Variants in CSMD1 observed in about 807,000 individuals in gnomAD.
CSMD1 encodes CUB and Sushi multiple domains 1.
A neutral mutation model predicts 417.5 loss-of-function variants in CSMD1; 213 were observed. The ratio of observed to expected loss-of-function variants is 0.51; its 90% CI spans 0.46 to 0.57. The LOEUF is 0.57. Ranked by LOEUF, CSMD1 falls within the 20% of genes least tolerant of loss-of-function variation. The pLI, the probability that CSMD1 is intolerant of heterozygous loss-of-function variation, is 0.00. For synonymous variants in CSMD1, 2,862 were observed against 1,736.8 expected (o/e 1.65, Z -16.11); for missense variants, 6,923 against 4,529.7 (o/e 1.53, Z -15.17).
chr8:3,246,899 T>C (rs1799919091), intron 26 of CSMD1, among the ~76,000 whole-genome samples: 1 of 152,350 alleles, frequency 6.6e-6, no homozygotes, highest in East Asian at 1.9e-4. Context: ...TTCCAATTCT[T>C]TCTCTCTTTT....
chr8:3,252,521 C>G (rs993137533), intron 26 of CSMD1, among the ~76,000 whole-genome samples: 8 of 152,210 alleles, frequency 5.3e-5, no homozygotes, highest in African/African-American at 1.9e-4. Context: ...GTCTAAAATT[C>G]TCTTTTTTTG....
intron 21 of CSMD1, among the ~76,000 whole-genome samples, chr8:3,353,646 A>C (rs1483384807): frequency 6.6e-6 from 1 of 152,234 alleles, no homozygotes; most frequent in African/African-American, 2.4e-5. Flanking sequence ...CCAAAATTTC[A>C]AAAATTATTT....
At chr8:4,742,448 G>A (rs950822317) in intron 1 of CSMD1, among the ~76,000 whole-genome samples, 1 of 151,892 alleles carries the variant, frequency 6.6e-6, no homozygotes. Flanking sequence ...TAAGATTAGA[G>A]GTATTTGGTG....
At chr8:4,089,896 G>C (rs1227040958) in intron 3 of CSMD1, among the ~76,000 whole-genome samples, 1 of 152,100 alleles carries the variant, frequency 6.6e-6, no homozygotes, top group African/African-American at 2.4e-5. Context: ...TGTGGGGTCA[G>C]GGACCTGATT....
chr8:4,264,388 G>A (rs984040531), intron 3 of CSMD1, among the ~76,000 whole-genome samples: 1 of 152,240 alleles, frequency 6.6e-6, no homozygotes, highest in East Asian at 1.9e-4. Context: ...GATAATACAA[G>A]AAACATCCAC....
chr8:4,195,660 A>C (rs750740053), intron 3 of CSMD1, among the ~76,000 whole-genome samples: 2 of 152,198 alleles, frequency 1.3e-5, no homozygotes, highest in Non-Finnish European at 2.9e-5. Context: ...CCTTCTAGGC[A>C]TGATGAAGCA....
intron 26 of CSMD1, among the ~76,000 whole-genome samples, chr8:3,271,493 C>G (rs76499705): frequency 0.21 from 26,232 of 127,824 alleles, 3,226 homozygotes; most frequent in African/African-American, 0.26. Context: ...AGATCCCTGA[C>G]GAATGTCCAC....
chr8:3,569,408 A>G (rs62475840), intron 10 of CSMD1, among the ~76,000 whole-genome samples: 1 of 152,194 alleles, frequency 6.6e-6, no homozygotes, highest in Non-Finnish European at 1.5e-5. Flanking sequence ...AAGCCGAGAT[A>G]AGACTAGGAA....
In CSMD1 at chr8:4,853,331, A is replaced by G. The variant is rs530670147; in HGVS notation, c.85+141001T>C. On this transcript the variant is annotated intron_variant, in intron 1 of 69. Coordinates refer to ENST00000635120, the MANE Select transcript of CSMD1 (RefSeq NM_033225.6). ...TCAGGGCTCTGAAGCCAGGAATGCA[A>G]GGTGGCTGTTCCCTGCATCCCCACT... Among the ~76,000 whole-genome samples, 21 of 152,322 alleles carry G rather than the reference A, an allele frequency of 1.4e-4. No individual in the cohort carries two copies. The South Asian group carries it at 4.3e-3, about 32-fold the overall frequency.
rs182055891 is a variant in CSMD1, at chr8:4,007,650, C to T, written c.611-9540G>A. Reference sequence around the variant, plus strand: ...CTTGCGTGCACCTGTTCCTAGGAGGCGGCCTGATAGAAGTATTCTTTCTTC... The same window carrying T: ...CTTGCGTGCACCTGTTCCTAGGAGGTGGCCTGATAGAAGTATTCTTTCTTC... On this transcript the variant is annotated intron_variant, in intron 4 of 69. Transcript: ENST00000635120. Among the ~76,000 whole-genome samples the T allele has an allele frequency of 1.0e-3, 157 of 152,174 alleles. 2 individuals are homozygous for T. Among genetic ancestry groups the T allele is most frequent in the African/African-American group, 3.5e-3 (146 of 41,504 alleles).
intron 23 of CSMD1, among the ~76,000 whole-genome samples, chr8:3,342,294 G>A (rs1807708890): frequency 6.6e-6 from 1 of 152,084 alleles, no homozygotes; most frequent in African/African-American, 2.4e-5. Flanking sequence ...CTGGGTCTGT[G>A]GGATGATTAT....
chr8:3,550,748 C>G (rs766133501), intron 10 of CSMD1, among the ~76,000 whole-genome samples: 1 of 152,192 alleles, frequency 6.6e-6, no homozygotes, highest in Non-Finnish European at 1.5e-5. Flanking sequence ...AGCTTCATGG[C>G]CAACCAGGCT....
chr8:3,285,874 G>A (rs1455739229), intron 25 of CSMD1, among the ~76,000 whole-genome samples: 3 of 151,756 alleles, frequency 2.0e-5, no homozygotes, highest in Non-Finnish European at 2.9e-5. Flanking sequence ...AGGTAAATGT[G>A]CACAACGTGC....
intron 3 of CSMD1, among the ~76,000 whole-genome samples, chr8:4,221,763 G>C (rs1164504016): frequency 2.0e-5 from 3 of 152,136 alleles, no homozygotes; most frequent in Non-Finnish European, 2.9e-5. Context: ...CCTACATTGA[G>C]ATTAAAAGAA....
At chr8:4,900,717 C>G (rs926487370) in intron 1 of CSMD1, among the ~76,000 whole-genome samples, 11 of 152,230 alleles carry the variant, frequency 7.2e-5, no homozygotes, top group Non-Finnish European at 1.3e-4. Context: ...CTGCTTCTCT[C>G]TTCCACTCAC....
At chr8:3,027,960 G>A (rs758784738) in intron 51 of CSMD1, among the ~76,000 whole-genome samples, 3 of 152,124 alleles carry the variant, frequency 2.0e-5, no homozygotes, top group African/African-American at 4.8e-5. Context: ...AAAATTCTTC[G>A]GGAACGCTGA....
rs966153135 is a variant in CSMD1 at position 2,938,205 on chromosome 8, C to T, written c.*380G>A. ...TATCGTGGTGCCACCATTCTGTCAC[C>T]GCACCTGAGGGACATATCCACGAGC... is the stretch of plus-strand genomic sequence containing the variant. On this transcript the variant is annotated 3_prime_UTR_variant, in exon 70 of 70. Coordinates refer to ENST00000635120, the MANE Select transcript of CSMD1 (RefSeq NM_033225.6). The T allele has an allele frequency of 2.8e-5, 5 of 177,228 alleles. No individual in the cohort carries two copies. Among genetic ancestry groups the T allele is most frequent in the South Asian group, 1.9e-4 (1 of 5,206 alleles). The allele number at this position is 177,228 out of a possible 1,614,324, so 11.0% of individuals were successfully genotyped here. A position where few individuals can be genotyped will look rare whatever the true frequency, so the allele number is the denominator to read the frequency against.
intron 3 of CSMD1, among the ~76,000 whole-genome samples, chr8:4,037,414 T>G (rs567776913): frequency 6.6e-6 from 1 of 152,196 alleles, no homozygotes; most frequent in Non-Finnish European, 1.5e-5. Flanking sequence ...TTATAGAGAA[T>G]AAAGAGGATG....
chr8:3,564,226 T>C, intron 10 of CSMD1, among the ~76,000 whole-genome samples: 1 of 152,214 alleles, frequency 6.6e-6, no homozygotes, highest in East Asian at 1.9e-4. Context: ...ACTCTACTAT[T>C]GAATACTAGA....
Sources: allele counts gnomAD v4.1 joint callset (sites outside exome capture counted in the v4.1 genomes callset), GRCh38; gene constraint gnomAD v4.1.1; transcripts MANE v1.5; gene names NCBI Gene and HGNC (gene_info 2026-07-23, HGNC 2026-07-21).